The following RFTN2 variants were observed in gnomAD, a reference collection of about 807,000 sequenced individuals.
RFTN2 encodes the protein raftlin-2.
A neutral mutation model predicts 52.7 loss-of-function variants in RFTN2; 34 were observed. The observed-to-expected ratio is 0.64, with a 90% confidence interval of 0.49 to 0.86. RFTN2 has a LOEUF of 0.86. RFTN2 is among the 40% of genes least tolerant of loss of function. The probability of loss-of-function intolerance (pLI) is 0.00; values close to 1 mark genes in which losing one functional copy is unlikely to be tolerated. For synonymous variants in RFTN2, 203 were observed against 217.7 expected (o/e 0.93, Z 0.59); for missense variants, 536 against 600.1 (o/e 0.89, Z 1.12).
intron 5 of RFTN2, among the ~76,000 whole-genome samples, chr2:197,618,276 C>T (rs1196024829): frequency 6.6e-6 from 1 of 152,100 alleles, no homozygotes; most frequent in East Asian, 1.9e-4. Flanking sequence ...TTGGTGGAGA[C>T]GGGGATTCGC....
intron 7 of RFTN2, among the ~76,000 whole-genome samples, chr2:197,597,479 G>A (rs1574693307): frequency 6.6e-6 from 1 of 152,152 alleles, no homozygotes; most frequent in African/African-American, 2.4e-5. Flanking sequence ...AATAGCTGAC[G>A]CCTTTAATCA....
chr2:197,608,623 CTTTTTTTTTT>C (rs57681105), intron 7 of RFTN2, among the ~76,000 whole-genome samples: 3 of 99,514 alleles, frequency 3.0e-5, no homozygotes, highest in South Asian at 6.8e-4. Context: ...TGGGACCAGA[CTTTTTTTTTT>C]TTTTTTTTTT....
At chr2:197,584,101 C>T (rs1487749677) in intron 8 of RFTN2, among the ~76,000 whole-genome samples, 3 of 152,190 alleles carry the variant, frequency 2.0e-5, no homozygotes, top group Admixed American at 1.3e-4. Context: ...GTGCATGTGT[C>T]TTCATGGCAG....
intron 1 of RFTN2, among the ~76,000 whole-genome samples, chr2:197,661,540 G>A (rs921980877): frequency 2.0e-5 from 3 of 151,870 alleles, no homozygotes; most frequent in African/African-American, 7.3e-5. Context: ...TTCTTCTGTT[G>A]GTGTACACTT....
intron 3 of RFTN2, among the ~76,000 whole-genome samples, chr2:197,636,202 G>A (rs1441606986): frequency 1.8e-4 from 28 of 151,572 alleles, no homozygotes; most frequent in Admixed American, 1.8e-3. Flanking sequence ...TTTTGGCTTA[G>A]GATTGCCTTG....
intron 5 of RFTN2, among the ~76,000 whole-genome samples, chr2:197,621,818 T>A (rs1392542011): frequency 1.3e-5 from 2 of 152,068 alleles, no homozygotes; most frequent in African/African-American, 4.8e-5. Context: ...TCATTTTAAA[T>A]CGAAAGCTGG....
At chr2:197,628,428 C>A (rs1006356868) in intron 5 of RFTN2, among the ~76,000 whole-genome samples, 1 of 152,198 alleles carries the variant, frequency 6.6e-6, no homozygotes, top group Non-Finnish European at 1.5e-5. Flanking sequence ...GCTTTAAGAA[C>A]AAAAGCCACA....
At chr2:197,629,207 A>T (rs1199682261) in intron 5 of RFTN2, among the ~76,000 whole-genome samples, 1 of 152,234 alleles carries the variant, frequency 6.6e-6, no homozygotes, top group Non-Finnish European at 1.5e-5. Flanking sequence ...AATGTCCATC[A>T]ATGATAGACT....
Position 197,570,971 on chromosome 2 carries a change from G to A in RFTN2, c.*1037C>T, listed in dbSNP as rs1478028968. 6.6e-6 allele frequency: 1 copy of A among 152,174 alleles called. No homozygotes were observed. Among genetic ancestry groups the A allele is most frequent in the Non-Finnish European group, 1.5e-5 (1 of 68,020 alleles). 9.4% of individuals were successfully genotyped at this position (152,174 alleles called of 1,614,324 possible). A position where few individuals can be genotyped will look rare whatever the true frequency, so the allele number is the denominator to read the frequency against. The stretch of plus-strand genomic sequence containing the variant: ...ATAAATGAAAATCCTTTATTTTGTA[G>A]AATTTTAAAGATTGTTAAAGGCTGG... On this transcript the variant is annotated 3_prime_UTR_variant, in exon 9 of 9. Coordinates refer to ENST00000295049, the MANE Select transcript of RFTN2 (RefSeq NM_144629.3).
At chr2:197,669,002 A>G (rs1446039766) in intron 1 of RFTN2, among the ~76,000 whole-genome samples, 2 of 151,206 alleles carry the variant, frequency 1.3e-5, no homozygotes, top group Non-Finnish European at 3.0e-5. Context: ...AGGCTGCCTC[A>G]CTTCCTTCTC....
At position 197,570,906 on chromosome 2, in the gene RFTN2, T is replaced by C. The variant is rs965895275; in HGVS notation, c.*1102A>G. The C allele has an allele frequency of 6.6e-6, 1 of 152,294 alleles. No homozygotes were observed. The highest frequency in any genetic ancestry group is 1.5e-5 in the Non-Finnish European group (1 of 68,046). The allele number at this position is 152,294 out of a possible 1,614,324, so 9.4% of individuals were successfully genotyped here. On this transcript the variant is annotated 3_prime_UTR_variant, in exon 9 of 9. Transcript: ENST00000295049. ...CATCAATGATAGAATAAGTTGTAAT[T>C]CACTTGGAGGTTCCATCTTTCAAAG... is the stretch of plus-strand genomic sequence containing the variant.
At chr2:197,614,254 A>C (rs1380023379) in intron 7 of RFTN2, among the ~76,000 whole-genome samples, 1 of 152,162 alleles carries the variant, frequency 6.6e-6, no homozygotes, top group African/African-American at 2.4e-5. Context: ...TTGCCTTTTA[A>C]ATTTGATTTT....
intron 1 of RFTN2, among the ~76,000 whole-genome samples, chr2:197,670,580 CAGG>C (rs5837552): frequency 0.17 from 25,907 of 151,998 alleles, 2,432 homozygotes; most frequent in Middle Eastern, 0.27. Flanking sequence ...GCAGCTGAGG[CAGG>C]AGGATTGCTT....
At chr2:197,645,870 C>CA in intron 2 of RFTN2, among the ~76,000 whole-genome samples, 1 of 151,938 alleles carries the variant, frequency 6.6e-6, no homozygotes. Context: ...ACTAAAAATA[C>CA]AAAAAATTAG....
At chr2:197,672,557 A>G (rs75619425) in intron 1 of RFTN2, among the ~76,000 whole-genome samples, 27,957 of 152,166 alleles carry the variant, frequency 0.18, 2,703 homozygotes, top group Middle Eastern at 0.27. Context: ...GGATCATAAC[A>G]GTTAATCTTT....
At chr2:197,582,564 C>G (rs952396190) in intron 8 of RFTN2, among the ~76,000 whole-genome samples, 1 of 152,212 alleles carries the variant, frequency 6.6e-6, no homozygotes, top group Admixed American at 6.5e-5. Context: ...ACTCTGCCCC[C>G]CTCCACTACC....
At chr2:197,627,766 C>A (rs1303824433) in intron 5 of RFTN2, among the ~76,000 whole-genome samples, 3 of 152,012 alleles carry the variant, frequency 2.0e-5, no homozygotes, top group Non-Finnish European at 4.4e-5. Flanking sequence ...TGCTTCACAG[C>A]AGAAAAGGCT....
chr2:197,580,701 A>T (rs2087491417), intron 8 of RFTN2, among the ~76,000 whole-genome samples: 1 of 151,848 alleles, frequency 6.6e-6, no homozygotes, highest in African/African-American at 2.4e-5. Context: ...GAGGCTACCC[A>T]CTCTACATTG....
intron 1 of RFTN2, among the ~76,000 whole-genome samples, chr2:197,669,497 C>T (rs554100128): frequency 6.6e-6 from 1 of 152,072 alleles, no homozygotes; most frequent in Non-Finnish European, 1.5e-5. Context: ...CTTTTTGGCA[C>T]CAGGGACTGG....
Sources: gnomAD v4.1 joint callset for allele counts (sites outside exome capture counted in the v4.1 genomes callset) on GRCh38, gnomAD v4.1.1 for gene constraint, MANE v1.5 for transcripts, NCBI Gene and HGNC (gene_info 2026-07-23, HGNC 2026-07-21) for gene names.